Variants in HDAC9 observed in about 807,000 individuals in gnomAD.
The protein encoded by HDAC9 is MEF-2 interacting transcription repressor (MITR) protein.
HDAC9 carries 41 observed loss-of-function variants against 139.4 expected under a neutral mutation model. The observed-to-expected ratio is 0.29, with a 90% confidence interval of 0.23 to 0.38. The LOEUF (loss-of-function observed/expected upper bound fraction) is 0.38, where lower values mean the gene tolerates loss of function less well. Among genes scored for constraint, HDAC9 ranks in the 10% least tolerant of loss-of-function variants. HDAC9 has a pLI of 1.00. For missense variants in HDAC9, 1,147 were observed against 1,297.0 expected (o/e 0.88, Z 1.78); for synonymous variants, 517 against 476.2 (o/e 1.09, Z -1.12).
intron 2 of HDAC9, among the ~76,000 whole-genome samples, chr7:18,241,672 A>T (rs1426754170): frequency 6.6e-6 from 1 of 152,232 alleles, no homozygotes; most frequent in African/African-American, 2.4e-5. Flanking sequence ...TGTTCTGGTC[A>T]CTTGGCTCAA....
intron 22 of HDAC9, among the ~76,000 whole-genome samples, chr7:18,875,895 CA>C (rs1454872679): frequency 1.3e-5 from 2 of 151,818 alleles, no homozygotes; most frequent in Non-Finnish European, 2.9e-5. Context: ...GAGATAAACC[CA>C]AAAAAATACA....
Position 18,997,376 on chromosome 7 carries a change from T to A in HDAC9, c.*1314T>A, listed in dbSNP as rs908552446. ...TGTCAAAAGTTAAAAATAAAGGACATTTATTTCTGAGATAAAAAGTAACTT... is the reference window on the plus strand; with the variant it reads ...TGTCAAAAGTTAAAAATAAAGGACAATTATTTCTGAGATAAAAAGTAACTT... On this transcript the variant is annotated 3_prime_UTR_variant, in exon 26 of 26. Coordinates refer to ENST00000686413, the MANE Select transcript of HDAC9 (RefSeq NM_178425.4). The A allele has an allele frequency of 2.0e-5, 3 of 151,858 alleles. No homozygotes were observed. Among genetic ancestry groups the A allele is most frequent in the Non-Finnish European group, 2.9e-5 (2 of 67,968 alleles). 9.4% of individuals were successfully genotyped at this position (151,858 alleles called of 1,614,324 possible). A position where few individuals can be genotyped will look rare whatever the true frequency, so the allele number is the denominator to read the frequency against.
intron 21 of HDAC9, among the ~76,000 whole-genome samples, chr7:18,858,625 T>C (rs1003184215): frequency 3.9e-5 from 6 of 152,200 alleles, no homozygotes; most frequent in African/African-American, 1.4e-4. Context: ...TGTTTGAATG[T>C]ACTTTACTCA....
chr7:18,544,570 G>T (rs777426622), intron 2 of HDAC9, among the ~76,000 whole-genome samples: 2 of 152,180 alleles, frequency 1.3e-5, no homozygotes, highest in Non-Finnish European at 2.9e-5. Context: ...TGTGAGCATA[G>T]TCTGTGAAGA....
At chr7:18,214,450 A>G (rs567187281) in intron 2 of HDAC9, among the ~76,000 whole-genome samples, 6 of 152,154 alleles carry the variant, frequency 3.9e-5, no homozygotes, top group Non-Finnish European at 8.8e-5. Flanking sequence ...CTCAGATTGT[A>G]TGTGAAAGAG....
chr7:18,935,995 A>G (rs1781603253), intron 23 of HDAC9, 53 bp downstream of exon 23: 4 of 1,539,246 alleles, frequency 2.6e-6, no homozygotes, highest in African/African-American at 1.4e-5. Flanking sequence ...GGATGTATGC[A>G]TGCATATTTT....
chr7:18,968,169 A>G (rs538822999), intron 24 of HDAC9, among the ~76,000 whole-genome samples: 1 of 152,310 alleles, frequency 6.6e-6, no homozygotes, highest in East Asian at 1.9e-4. Flanking sequence ...CCTAAAAAAG[A>G]AAGAAAGAAA....
chr7:18,917,988 G>A (rs1290092569), intron 22 of HDAC9, among the ~76,000 whole-genome samples: 4 of 152,112 alleles, frequency 2.6e-5, no homozygotes, highest in African/African-American at 9.6e-5. Context: ...CAGACATTAA[G>A]GTTTCACAAT....
chr7:18,972,119 T>C (rs779519492), intron 24 of HDAC9, among the ~76,000 whole-genome samples: 10 of 152,312 alleles, frequency 6.6e-5, no homozygotes, highest in Middle Eastern at 3.4e-3. Context: ...CATAGGCTCA[T>C]AGAAAAGAAA....
chr7:18,595,324 C>A (rs976605906), intron 6 of HDAC9, among the ~76,000 whole-genome samples: 5 of 150,074 alleles, frequency 3.3e-5, no homozygotes, highest in Admixed American at 6.7e-5. Flanking sequence ...CATCAGAATT[C>A]CACCCTATTA....
At chr7:18,473,362 T>C (rs1326244457) in intron 1 of HDAC9, among the ~76,000 whole-genome samples, 3 of 152,228 alleles carry the variant, frequency 2.0e-5, no homozygotes, top group African/African-American at 7.2e-5. Context: ...TTTTCGATTC[T>C]TTCTTTTATG....
chr7:18,739,493 G>A (rs978272407), intron 13 of HDAC9, among the ~76,000 whole-genome samples: 10 of 152,186 alleles, frequency 6.6e-5, no homozygotes, highest in African/African-American at 2.4e-4. Flanking sequence ...CTTTCTGTTT[G>A]TTAGTTTTCC....
upstream of HDAC9, among the ~76,000 whole-genome samples, chr7:18,493,780 A>T (rs1030014922): frequency 1.4e-5 from 2 of 140,466 alleles, no homozygotes; most frequent in Non-Finnish European, 3.1e-5. Flanking sequence ...TTTGTAGAAT[A>T]AAAAAAAAAA....
intron 21 of HDAC9, among the ~76,000 whole-genome samples, chr7:18,840,106 C>G (rs1034611436): frequency 8.6e-5 from 13 of 152,034 alleles, no homozygotes; most frequent in African/African-American, 2.9e-4. Flanking sequence ...TTTGTAGCCC[C>G]TTTTAATTTC....
chr7:18,991,814 G>T (rs1401804598), intron 25 of HDAC9, among the ~76,000 whole-genome samples: 1 of 152,122 alleles, frequency 6.6e-6, no homozygotes, highest in Non-Finnish European at 1.5e-5. Flanking sequence ...TAACAAGAAG[G>T]TATTGTTTTA....
chr7:18,200,363 G>T (rs542626121), intron 2 of HDAC9, among the ~76,000 whole-genome samples: 1 of 152,298 alleles, frequency 6.6e-6, no homozygotes, highest in South Asian at 2.1e-4. Context: ...AGATTTGAGA[G>T]GTTTTTTCAA....
intron 2 of HDAC9, among the ~76,000 whole-genome samples, chr7:18,583,763 ATCTT>A (rs1190331154): frequency 1.3e-5 from 2 of 152,116 alleles, no homozygotes; most frequent in Non-Finnish European, 2.9e-5. Flanking sequence ...AGCCTAAAAA[ATCTT>A]TCAGTTTAAT....
chr7:18,532,219 C>A (rs1432250406), intron 2 of HDAC9, among the ~76,000 whole-genome samples: 2 of 152,122 alleles, frequency 1.3e-5, no homozygotes, highest in East Asian at 3.9e-4. Context: ...CACTGCAGTC[C>A]AGCCTGTGAG....
intron 22 of HDAC9, among the ~76,000 whole-genome samples, chr7:18,913,719 G>A (rs756777554): frequency 1.1e-4 from 17 of 148,252 alleles, no homozygotes; most frequent in Non-Finnish European, 1.7e-4. Context: ...AACCCTAGAA[G>A]ATAAGAATTT....
Sources: allele counts gnomAD v4.1 joint callset (sites outside exome capture counted in the v4.1 genomes callset), GRCh38; gene constraint gnomAD v4.1.1; transcripts MANE v1.5; gene names NCBI Gene and HGNC (gene_info 2026-07-23, HGNC 2026-07-21).